The following TXNRD1 variants were observed in gnomAD, a reference collection of about 807,000 sequenced individuals.
TXNRD1 encodes thioredoxin reductase 1, cytoplasmic.
TXNRD1 carries 57 observed loss-of-function variants against 80.3 expected under a neutral mutation model. The ratio of observed to expected loss-of-function variants is 0.71; its 90% CI spans 0.57 to 0.89. The LOEUF (loss-of-function observed/expected upper bound fraction) is 0.89. Ranked by LOEUF, TXNRD1 falls within the 40% of genes least tolerant of loss-of-function variation. The pLI is 0.00. For synonymous variants in TXNRD1, 291 were observed against 285.2 expected (o/e 1.02, Z -0.20); for missense variants, 730 against 803.0 (o/e 0.91, Z 1.10).
At chr12:104,332,568 G>A (rs1235164537) in intron 14 of TXNRD1, among the ~76,000 whole-genome samples, 1 of 151,852 alleles carries the variant, frequency 6.6e-6, no homozygotes, top group Non-Finnish European at 1.5e-5. Flanking sequence ...TGACCAACGT[G>A]GAGAAACCCC....
At chr12:104,285,215 T>C (rs1021242274) in intron 3 of TXNRD1, among the ~76,000 whole-genome samples, 3 of 152,044 alleles carry the variant, frequency 2.0e-5, no homozygotes, top group Non-Finnish European at 4.4e-5. Context: ...AATTGCTGCA[T>C]GATGAGAAAT....
At chr12:104,303,801 C>T in intron 4 of TXNRD1, 1 of 1,365,956 alleles carries the variant, frequency 7.3e-7, no homozygotes, top group Non-Finnish European at 9.6e-7. Flanking sequence ...GCCGTTACCT[C>T]AGAGATACCC....
At chr12:104,255,884 TC>T (rs1452522243) in intron 2 of TXNRD1, among the ~76,000 whole-genome samples, 2 of 152,160 alleles carry the variant, frequency 1.3e-5, no homozygotes, top group African/African-American at 4.8e-5. Context: ...TAGATAAACA[TC>T]CCCTGGTTTT....
chr12:104,279,216 G>A (rs1228566462), intron 3 of TXNRD1, among the ~76,000 whole-genome samples: 1 of 152,138 alleles, frequency 6.6e-6, no homozygotes, highest in Non-Finnish European at 1.5e-5. Context: ...AAGTCCTCTT[G>A]GACTGTGCTA....
At chr12:104,222,800 G>A (rs2032383654) in intron 1 of TXNRD1, among the ~76,000 whole-genome samples, 1 of 152,220 alleles carries the variant, frequency 6.6e-6, no homozygotes, top group Non-Finnish European at 1.5e-5. Flanking sequence ...GCAGTGAGCC[G>A]AGATTGCACT....
At chr12:104,321,019 C>A in intron 9 of TXNRD1, 72 bp from the exon 10 acceptor site, 2 of 1,074,206 alleles carry the variant, frequency 1.9e-6, no homozygotes, top group South Asian at 1.4e-5. Flanking sequence ...AAAATGTGTA[C>A]TTGGATTTAG....
chr12:104,347,172 TATA>T (rs561663243), intron 16 of TXNRD1, among the ~76,000 whole-genome samples: 3 of 149,132 alleles, frequency 2.0e-5, no homozygotes, highest in Admixed American at 6.8e-5. Flanking sequence ...TCTTTCTTCT[TATA>T]ATGATTTTTT....
At chr12:104,224,539 C>A (rs1291784468) in intron 1 of TXNRD1, among the ~76,000 whole-genome samples, 1 of 152,052 alleles carries the variant, frequency 6.6e-6, no homozygotes, top group Non-Finnish European at 1.5e-5. Flanking sequence ...CAGGTGGCCA[C>A]CACACCCAGC....
chr12:104,315,970 C>A, intron 7 of TXNRD1, 74 bp downstream of exon 7: 3 of 1,500,214 alleles, frequency 2.0e-6, no homozygotes, highest in Non-Finnish European at 2.7e-6. Context: ...ATGCGTCGTC[C>A]ATTTTCATGA....
chr12:104,333,311 ATATT>A (rs1376325775), intron 14 of TXNRD1, among the ~76,000 whole-genome samples: 2 of 152,034 alleles, frequency 1.3e-5, no homozygotes, highest in East Asian at 1.9e-4. Flanking sequence ...TTGATAGACA[ATATT>A]TAAGTTTTTT....
At chr12:104,273,212 C>T (rs911722046) in intron 3 of TXNRD1, among the ~76,000 whole-genome samples, 2 of 152,128 alleles carry the variant, frequency 1.3e-5, no homozygotes, top group East Asian at 1.9e-4. Flanking sequence ...GGCGTGGAGC[C>T]GGCAGCCCAC....
chr12:104,335,476 A>G (rs2036106338), intron 15 of TXNRD1, among the ~76,000 whole-genome samples: 1 of 152,176 alleles, frequency 6.6e-6, no homozygotes, highest in Non-Finnish European at 1.5e-5. Context: ...CTGGGATTAC[A>G]GGTGTGAGCC....
At position 104,297,219 on chromosome 12, in the gene TXNRD1, C is replaced by T. The variant is rs1405451653; in HGVS notation, c.414+8179C>T. Among the ~76,000 whole-genome samples, 4 of 150,086 alleles carry T rather than the reference C, an allele frequency of 2.7e-5. No individual in the cohort carries two copies. The South Asian group carries it at 6.3e-4, about 24-fold the overall frequency. On this transcript the variant is annotated intron_variant, in intron 4 of 16. Transcript: ENST00000525566. ...ACTCAGGAGGCTGAGGCAGGAGAAT[C>T]GCTTGAACCTGGGAGGTGGAGGTTG...
At chr12:104,244,090 A>C (rs1053272470) in intron 1 of TXNRD1, among the ~76,000 whole-genome samples, 2 of 152,148 alleles carry the variant, frequency 1.3e-5, no homozygotes, top group Non-Finnish European at 2.9e-5. Context: ...GCTTCTTCCC[A>C]CAGCTAAGTG....
chr12:104,310,429 G>A lies in TXNRD1; in HGVS notation c.415-861G>A, dbSNP rs376190777. 4.6e-5 allele frequency among the ~76,000 whole-genome samples: 7 copies of A among 152,280 alleles called. No individual in the cohort carries two copies. The East Asian group carries it at 9.6e-4, about 21-fold the overall frequency. ...CTCCCGAAGTGCTGGGATTACAGGCGTGAGCCACTGTGCCTGGCCTACTTG... is the reference window on the plus strand; with the variant it reads ...CTCCCGAAGTGCTGGGATTACAGGCATGAGCCACTGTGCCTGGCCTACTTG... On this transcript the variant is annotated intron_variant, in intron 4 of 16. Transcript: ENST00000525566.
intron 3 of TXNRD1, among the ~76,000 whole-genome samples, chr12:104,278,079 G>A (rs1284436646): frequency 1.3e-5 from 2 of 150,688 alleles, no homozygotes; most frequent in Non-Finnish European, 2.9e-5. Context: ...GGGTTTCATC[G>A]TGTTAGCTGG....
At chr12:104,266,823 G>A (rs957444637) in intron 3 of TXNRD1, among the ~76,000 whole-genome samples, 3 of 152,162 alleles carry the variant, frequency 2.0e-5, no homozygotes, top group South Asian at 2.1e-4. Context: ...TTAGCCGGGC[G>A]TGTTGGCGGG....
intron 1 of TXNRD1, among the ~76,000 whole-genome samples, chr12:104,220,155 A>T (rs1333627184): frequency 6.6e-6 from 1 of 152,176 alleles, no homozygotes; most frequent in Non-Finnish European, 1.5e-5. Flanking sequence ...ACTGCAGATC[A>T]CTGAGGCTGA....
chr12:104,251,870 C>A (rs1035106858), intron 2 of TXNRD1, among the ~76,000 whole-genome samples, 192 bp downstream of exon 2: 15 of 152,088 alleles, frequency 9.9e-5, no homozygotes, highest in Non-Finnish European at 2.9e-5. Context: ...TCAAGACCAT[C>A]CTGGCCAACA....
Sources: gnomAD v4.1 joint callset for allele counts (sites outside exome capture counted in the v4.1 genomes callset) on GRCh38, gnomAD v4.1.1 for gene constraint, MANE v1.5 for transcripts, NCBI Gene and HGNC (gene_info 2026-07-23, HGNC 2026-07-21) for gene names.